CSMD1: variants seen among roughly 807,000 people sequenced by gnomAD.
CSMD1 encodes CUB and sushi domain-containing protein 1.
Under a neutral mutation model 417.5 loss-of-function variants are expected in CSMD1, and 213 were observed. That is an observed-to-expected ratio of 0.51 (90% confidence interval 0.46 to 0.57). The LOEUF is 0.57. Among genes scored for constraint, CSMD1 ranks in the 20% least tolerant of loss-of-function variants. CSMD1 has a pLI of 0.00. For synonymous variants in CSMD1, 2,862 were observed against 1,736.8 expected (o/e 1.65, Z -16.11); for missense variants, 6,923 against 4,529.7 (o/e 1.53, Z -15.17).
chr8:3,085,694 C>A (rs1814480325), intron 49 of CSMD1, among the ~76,000 whole-genome samples: 2 of 152,194 alleles, frequency 1.3e-5, no homozygotes. Context: ...AGAAAGAAGT[C>A]AAGACTTATC....
At chr8:4,799,059 G>C (rs1294194792) in intron 1 of CSMD1, among the ~76,000 whole-genome samples, 3 of 152,186 alleles carry the variant, frequency 2.0e-5, no homozygotes, top group East Asian at 1.9e-4. Context: ...TGAGGACAGA[G>C]GTCAGGGCTT....
At chr8:3,787,066 T>C (rs989020603) in intron 5 of CSMD1, among the ~76,000 whole-genome samples, 12 of 152,168 alleles carry the variant, frequency 7.9e-5, no homozygotes, top group African/African-American at 2.9e-4. Flanking sequence ...ATTCTGAGTT[T>C]AGAGTGTGTT....
intron 1 of CSMD1, among the ~76,000 whole-genome samples, chr8:4,760,837 T>C (rs1811992046): frequency 6.6e-6 from 1 of 152,210 alleles, no homozygotes; most frequent in Non-Finnish European, 1.5e-5. Flanking sequence ...GGAATTCCCA[T>C]AGAATAATCA....
chr8:4,198,443 G>C (rs949217576), intron 3 of CSMD1, among the ~76,000 whole-genome samples: 1 of 152,200 alleles, frequency 6.6e-6, no homozygotes, highest in Non-Finnish European at 1.5e-5. Context: ...ACCTGTGGTG[G>C]TTAGGTAAAA....
intron 52 of CSMD1, among the ~76,000 whole-genome samples, chr8:3,004,172 A>C (rs754105705): frequency 6.6e-6 from 1 of 152,128 alleles, no homozygotes; most frequent in Non-Finnish European, 1.5e-5. Flanking sequence ...AAAATACTGA[A>C]ATTCCTCAGT....
At chr8:3,546,464 A>G (rs969141356) in intron 10 of CSMD1, among the ~76,000 whole-genome samples, 4 of 151,876 alleles carry the variant, frequency 2.6e-5, no homozygotes, top group African/African-American at 9.7e-5. Context: ...TGAACCAGGG[A>G]GTCGGAGCTT....
chr8:3,331,603 T>A (rs572262685), intron 23 of CSMD1, among the ~76,000 whole-genome samples: 1 of 152,174 alleles, frequency 6.6e-6, no homozygotes, highest in Admixed American at 6.6e-5. Context: ...ACTTTGGAGA[T>A]AAAATGAGAC....
At chr8:4,260,263 G>A (rs942758353) in intron 3 of CSMD1, among the ~76,000 whole-genome samples, 1 of 152,168 alleles carries the variant, frequency 6.6e-6, no homozygotes, top group Admixed American at 6.6e-5. Flanking sequence ...CTTATTACTA[G>A]TGAAATTAAT....
intron 3 of CSMD1, among the ~76,000 whole-genome samples, chr8:4,414,450 C>A (rs1026936435): frequency 6.6e-6 from 1 of 152,112 alleles, no homozygotes; most frequent in Admixed American, 6.5e-5. Context: ...AAATACTGAT[C>A]CCTCATTTTC....
intron 23 of CSMD1, among the ~76,000 whole-genome samples, chr8:3,317,333 G>C (rs142611723): frequency 6.6e-6 from 1 of 152,208 alleles, no homozygotes; most frequent in Non-Finnish European, 1.5e-5. Flanking sequence ...AGTCCTTATG[G>C]AGTTTCACAG....
intron 5 of CSMD1, among the ~76,000 whole-genome samples, chr8:3,974,002 T>A (rs928868815): frequency 1.8e-4 from 27 of 152,202 alleles, no homozygotes; most frequent in Admixed American, 1.6e-3. Flanking sequence ...AACAATGCAA[T>A]TACACTCTTT....
chr8:3,120,473 A>C (rs1235655129), intron 41 of CSMD1, among the ~76,000 whole-genome samples: 1 of 152,152 alleles, frequency 6.6e-6, no homozygotes, highest in Non-Finnish European at 1.5e-5. Flanking sequence ...TAAGCATTCC[A>C]TAGAGCCATG....
At chr8:4,732,382 T>TGTGTGTGTGTGTGTGTG (rs1563244601) in intron 1 of CSMD1, among the ~76,000 whole-genome samples, 1 of 117,682 alleles carries the variant, frequency 8.5e-6, no homozygotes, top group Non-Finnish European at 1.8e-5. Context: ...TGTGTGTGTG[T>TGTGTGTGTGTGTGTGTG]AGTGTTTTTC....
intron 3 of CSMD1, among the ~76,000 whole-genome samples, chr8:4,222,908 A>G (rs1801125907): frequency 6.6e-6 from 1 of 152,224 alleles, no homozygotes; most frequent in South Asian, 2.1e-4. Context: ...AGTGAAAGTT[A>G]TGCAAAGCGT....
At chr8:4,111,764 T>G (rs1402363006) in intron 3 of CSMD1, among the ~76,000 whole-genome samples, 1 of 152,096 alleles carries the variant, frequency 6.6e-6, no homozygotes, top group South Asian at 2.1e-4. Flanking sequence ...CACTGGGAAC[T>G]GTTGTGGGGC....
chr8:4,172,879 C>T (rs559427235), intron 3 of CSMD1, among the ~76,000 whole-genome samples: 1 of 152,070 alleles, frequency 6.6e-6, no homozygotes, highest in South Asian at 2.1e-4. Context: ...TAAAAGGGAG[C>T]CCAGCCCATT....
intron 2 of CSMD1, among the ~76,000 whole-genome samples, chr8:4,457,190 C>T (rs542915910): frequency 6.6e-6 from 1 of 152,014 alleles, no homozygotes; most frequent in Non-Finnish European, 1.5e-5. Context: ...GAAATGTGTC[C>T]TGTTAAACAC....
intron 59 of CSMD1, among the ~76,000 whole-genome samples, chr8:2,964,105 T>A (rs935338208): frequency 2.0e-5 from 3 of 152,204 alleles, no homozygotes; most frequent in African/African-American, 4.8e-5. Context: ...AAATCCTTCT[T>A]CTCTGAAGAT....
intron 23 of CSMD1, among the ~76,000 whole-genome samples, chr8:3,310,865 G>C (rs1805283788): frequency 6.6e-6 from 1 of 151,470 alleles, no homozygotes; most frequent in Non-Finnish European, 1.5e-5. Flanking sequence ...GTTTTTCAAG[G>C]GGCAAAAGAA....
Sources: allele counts gnomAD v4.1 joint callset (sites outside exome capture counted in the v4.1 genomes callset), GRCh38; gene constraint gnomAD v4.1.1; transcripts MANE v1.5; gene names NCBI Gene and HGNC (gene_info 2026-07-23, HGNC 2026-07-21).